DEFB114: variants seen among roughly 807,000 people sequenced by gnomAD.
DEFB114 encodes the protein beta-defensin 114.
A neutral mutation model predicts 2.4 loss-of-function variants in DEFB114; 4 were observed. That is an observed-to-expected ratio of 1.67 (90% confidence interval 0.82 to 3.82). The LOEUF (loss-of-function observed/expected upper bound fraction) is 3.82. DEFB114 is among the 30% of genes most tolerant of loss of function. The pLI is 0.01. For missense variants in DEFB114, 113 were observed against 85.8 expected (o/e 1.32, Z -1.25); for synonymous variants, 35 against 24.6 (o/e 1.42, Z -1.26).
chr6:49,960,326 G>A lies in DEFB114; in HGVS notation c.176C>T (p.Thr59Ile), dbSNP rs1455668535. ...ATCATCTTCTTCATACAATTTCTCAGTGCAGCAAATTTTTCTTGGTAAGGA... is the reference window on the plus strand; with the variant it reads ...ATCATCTTCTTCATACAATTTCTCAATGCAGCAAATTTTTCTTGGTAAGGA... ...ICSLPRKICCTEKLYEEDDMF is the reference protein window; with the variant it reads ...ICSLPRKICCIEKLYEEDDMF The change falls in exon 2 of 2, where the codon ACT becomes ATT. Residue 59 changes from threonine to isoleucine, a missense_variant. Transcript: ENST00000322066. 6.2e-7 allele frequency: 1 copy of A among 1,605,888 alleles called. No individual in the cohort carries two copies. Among genetic ancestry groups the A allele is most frequent in the South Asian group, 1.1e-5 (1 of 90,442 alleles).
At chr6:49,963,169 T>G (rs1773489964) in intron 1 of DEFB114, among the ~76,000 whole-genome samples, 2 of 150,190 alleles carry the variant, frequency 1.3e-5, no homozygotes, top group African/African-American at 2.4e-5. Flanking sequence ...CAACAATACC[T>G]GGTACTAAAA....
Position 49,960,262 on chromosome 6 carries a change from A to G in DEFB114, c.*30T>C. ...ACCTCTCTGCACTGGTGCACATGTA[A>G]CTTCTTTGTTCAGAGGTATGCCTTT... On this transcript the variant is annotated 3_prime_UTR_variant, in exon 2 of 2. Transcript: ENST00000322066. 6.4e-7 allele frequency: 1 copy of G among 1,569,302 alleles called. No homozygotes were observed. The highest frequency in any genetic ancestry group is 8.6e-7 in the Non-Finnish European group (1 of 1,160,044).
intron 1 of DEFB114, among the ~76,000 whole-genome samples, chr6:49,961,292 G>A (rs1296964988): frequency 2.7e-5 from 4 of 150,410 alleles, no homozygotes; most frequent in Non-Finnish European, 4.5e-5. Context: ...AGAAATTCTT[G>A]CATAGATTTT....
chr6:49,961,552 A>G (rs1440101223), intron 1 of DEFB114, among the ~76,000 whole-genome samples: 2 of 150,862 alleles, frequency 1.3e-5, no homozygotes, highest in African/African-American at 2.4e-5. Context: ...TTTTTGAAAC[A>G]GAAACAGCTT....
At position 49,960,316 on chromosome 6, in the gene DEFB114, C is replaced by T; in HGVS notation, c.186G>A (p.Leu62=). 1 of 1,605,432 alleles carries T rather than the reference C, an allele frequency of 6.2e-7. No homozygotes were observed. Among genetic ancestry groups the T allele is most frequent in the Non-Finnish European group, 8.5e-7 (1 of 1,175,244 alleles). The change falls in exon 2 of 2, where the codon TTG becomes TTA. Residue 62 remains leucine (L), a synonymous_variant. Transcript: ENST00000322066. The stretch of plus-strand genomic sequence containing the variant: ...TTCAAAACATATCATCTTCTTCATA[C>T]AATTTCTCAGTGCAGCAAATTTTTC... ...LPRKICCTEK[L]YEEDDMF
intron 1 of DEFB114, among the ~76,000 whole-genome samples, chr6:49,960,758 A>C (rs1453862505): frequency 6.6e-6 from 1 of 150,896 alleles, no homozygotes; most frequent in African/African-American, 2.4e-5. Context: ...AATGTGCATA[A>C]TCTTTCAGCT....
Position 49,960,252 on chromosome 6 carries a change from T to G in DEFB114, c.*40A>C, listed in dbSNP as rs1261466749. 4 of 1,554,580 alleles carry G rather than the reference T, an allele frequency of 2.6e-6. No individual in the cohort carries two copies. Among genetic ancestry groups the G allele is most frequent in the Admixed American group, 3.9e-5 (2 of 51,244 alleles). On this transcript the variant is annotated 3_prime_UTR_variant, in exon 2 of 2. Coordinates refer to ENST00000322066, the MANE Select transcript of DEFB114 (RefSeq NM_001037499.2). ...ATATTCCCACACCTCTCTGCACTGG[T>G]GCACATGTAACTTCTTTGTTCAGAG... is the stretch of plus-strand genomic sequence containing the variant.
chr6:49,961,798 T>C (rs1020657527), intron 1 of DEFB114, among the ~76,000 whole-genome samples: 18 of 150,732 alleles, frequency 1.2e-4, no homozygotes, highest in African/African-American at 4.4e-4. Context: ...ACTCTTTCAG[T>C]TAAAAAAAAA....
chr6:49,961,506 C>T (rs1449477437), intron 1 of DEFB114, among the ~76,000 whole-genome samples: 1 of 150,772 alleles, frequency 6.6e-6, no homozygotes, highest in Non-Finnish European at 1.5e-5. Flanking sequence ...AGATCTCTTT[C>T]AGCTATCAAT....
In DEFB114 at chr6:49,960,347, A is replaced by G. The variant is rs780990237; in HGVS notation, c.155T>C (p.Leu52Ser). 1.9e-6 allele frequency: 3 copies of G among 1,606,906 alleles called. No individual in the cohort carries two copies. The Admixed American group carries it at 5.1e-5, about 27-fold the overall frequency. ...CTCAGTGCAGCAAATTTTTCTTGGT[A>G]AGGAACATATGTCTATTTGCTTTTC... ...ESEKQIDICS[L>S]PRKICCTEKL... The change falls in exon 2 of 2, where the codon TTA (leucine) becomes TCA (serine). Residue 52 changes from leucine (L) to serine (S), a missense_variant. By Grantham distance (145) the Leu-to-Ser change is moderately radical. Transcript: ENST00000322066.
At chr6:49,961,614 T>A (rs932847457) in intron 1 of DEFB114, among the ~76,000 whole-genome samples, 1 of 150,800 alleles carries the variant, frequency 6.6e-6, no homozygotes, top group Admixed American at 6.6e-5. Context: ...GTATTTTATT[T>A]CTTTATGTAT....
Position 49,960,385 on chromosome 6 carries a change from G to A in DEFB114, c.117C>T (p.Asp39=). 6.2e-7 allele frequency: 1 copy of A among 1,608,556 alleles called. No homozygotes were observed. Among genetic ancestry groups the A allele is most frequent in the Non-Finnish European group, 8.5e-7 (1 of 1,176,710 alleles). ...CTKRYGRCKR[D]CLESEKQIDI... ...CTATTTGCTTTTCACTCTCAAGACA[G>A]TCTCTTTTACAACGACCGTAACGTT... Residue 39 remains aspartate (D), a synonymous_variant, in exon 2 of 2, where the codon GAC becomes GAT. Coordinates refer to ENST00000322066, the MANE Select transcript of DEFB114 (RefSeq NM_001037499.2).
At chr6:49,963,949 T>A (rs1359942848) in intron 1 of DEFB114, 102 bp downstream of exon 1, 3 of 830,958 alleles carry the variant, frequency 3.6e-6, no homozygotes, top group Non-Finnish European at 5.7e-6. Flanking sequence ...CTTATTTAAT[T>A]GATAAGATTG....
chr6:49,960,277 G>A lies in DEFB114; in HGVS notation c.*15C>T, dbSNP rs770691322. ...TGCACATGTAACTTCTTTGTTCAGA[G>A]GTATGCCTTTCTTTTCAAAACATAT... On this transcript the variant is annotated 3_prime_UTR_variant, in exon 2 of 2. Transcript: ENST00000322066. 1.3e-6 allele frequency: 2 copies of A among 1,593,574 alleles called. No homozygotes were observed. The highest frequency in any genetic ancestry group is 1.4e-5 in the African/African-American group (1 of 73,562).
At chr6:49,961,586 A>T (rs933442217) in intron 1 of DEFB114, among the ~76,000 whole-genome samples, 5 of 150,856 alleles carry the variant, frequency 3.3e-5, no homozygotes, top group African/African-American at 1.2e-4. Context: ...GTGTAATAGA[A>T]ACAGCAGATG....
rs749144841 is a variant in DEFB114 at position 49,960,373 on chromosome 6, A to G, written c.129T>C (p.Ser43=). ...YGRCKRDCLE[S]EKQIDICSLP... ...AGGAACATATGTCTATTTGCTTTTC[A>G]CTCTCAAGACAGTCTCTTTTACAAC... Residue 43 remains serine (S), a synonymous_variant, in exon 2 of 2, where the codon AGT becomes AGC. Transcript: ENST00000322066. 25 of 1,608,314 alleles carry G rather than the reference A, an allele frequency of 1.6e-5. No individual in the cohort carries two copies. The East Asian group carries it at 1.8e-4, about 12-fold the overall frequency.
rs542946128 is a variant in DEFB114 at position 49,962,974 on chromosome 6, T to C, written c.55+1077A>G. ...CAACAACAAAAAGAAATAGAAAATCTAAATGTTTCCAAATTCATTAAGGGA... is the reference window on the plus strand; with the variant it reads ...CAACAACAAAAAGAAATAGAAAATCCAAATGTTTCCAAATTCATTAAGGGA... On this transcript the variant is annotated intron_variant, in intron 1 of 1. Transcript: ENST00000322066. Among the ~76,000 whole-genome samples, 2 of 150,442 alleles carry C rather than the reference T, an allele frequency of 1.3e-5. 1 individual carries two copies. The highest frequency in any genetic ancestry group is 4.2e-4 in the South Asian group (2 of 4,816).
At chr6:49,961,564 G>A (rs923436851) in intron 1 of DEFB114, among the ~76,000 whole-genome samples, 1 of 150,752 alleles carries the variant, frequency 6.6e-6, no homozygotes, top group Non-Finnish European at 1.5e-5. Flanking sequence ...AAACAGCTTA[G>A]ATTACAAAAG....
At chr6:49,960,470 A>G in intron 1 of DEFB114, 24 bp from the exon 2 acceptor site, 4 of 1,574,014 alleles carry the variant, frequency 2.5e-6, no homozygotes, top group Non-Finnish European at 3.4e-6. Context: ...AGAGTAACAG[A>G]AATTCTAATC....
Sources: allele counts gnomAD v4.1 joint callset (sites outside exome capture counted in the v4.1 genomes callset), GRCh38; gene constraint gnomAD v4.1.1; transcripts MANE v1.5; gene names NCBI Gene and HGNC (gene_info 2026-07-23, HGNC 2026-07-21).